MINDY2: variants seen among roughly 807,000 people sequenced by gnomAD.
MINDY2 encodes MINDY lysine 48 deubiquitinase 2.
In MINDY2, 52 loss-of-function variants were observed where a neutral mutation model predicts 68.2. The observed-to-expected ratio is 0.76, with a 90% CI of 0.61 to 0.96. The LOEUF (loss-of-function observed/expected upper bound fraction) is 0.96, where lower values mean the gene tolerates loss of function less well. Among genes scored for constraint, MINDY2 ranks in the 40% least tolerant of loss-of-function variants. The pLI, the probability that MINDY2 is intolerant of heterozygous loss-of-function variation, is 0.00. For synonymous variants in MINDY2, 372 were observed against 303.0 expected (o/e 1.23, Z -2.36); for missense variants, 881 against 773.4 (o/e 1.14, Z -1.65).
intron 2 of MINDY2, among the ~76,000 whole-genome samples, chr15:58,795,792 C>T (rs568648551): frequency 6.6e-6 from 1 of 151,946 alleles, no homozygotes; most frequent in African/African-American, 2.4e-5. Flanking sequence ...TTTGGCCACC[C>T]TCCCTCCTGC....
chr15:58,821,822 G>T lies in MINDY2; in HGVS notation c.1225+3G>T, dbSNP rs757746031. The T allele has an allele frequency of 1.9e-6, 3 of 1,566,736 alleles. No individual in the cohort carries two copies. The highest frequency in any genetic ancestry group is 4.7e-5 in the East Asian group (2 of 42,236). ...CAATAGTGAGCTGGTTAGTGAAGGTGGGTGAGTGCTGCTATTTCCTGACTT... is the reference window on the plus strand; with the variant it reads ...CAATAGTGAGCTGGTTAGTGAAGGTTGGTGAGTGCTGCTATTTCCTGACTT... On this transcript the variant is annotated splice_donor_region_variant and intron_variant, in intron 5 of 8. Coordinates refer to ENST00000559228, the MANE Select transcript of MINDY2 (RefSeq NM_001040450.3).
In MINDY2 at chr15:58,804,510, T is replaced by C. The variant is rs1285000378; in HGVS notation, c.963+2133T>C. ...CTTGATTGAAATGAGAAAATCTTAA[T>C]TTTCGTGTTTGCAAGCACCAGGCGT... On this transcript the variant is annotated intron_variant, in intron 3 of 8. Transcript: ENST00000559228. Among the ~76,000 whole-genome samples the C allele has an allele frequency of 4.6e-5, 7 of 151,934 alleles. No individual in the cohort carries two copies. The East Asian group carries it at 1.4e-3, about 30-fold the overall frequency.
At chr15:58,773,186 C>A (rs1900555911) in intron 1 of MINDY2, among the ~76,000 whole-genome samples, 1 of 152,026 alleles carries the variant, frequency 6.6e-6, no homozygotes, top group Non-Finnish European at 1.5e-5. Context: ...GTAATCCCAG[C>A]TACTCCGTAA....
intron 5 of MINDY2, among the ~76,000 whole-genome samples, chr15:58,831,512 A>G (rs149589736): frequency 2.6e-5 from 4 of 152,030 alleles, no homozygotes; most frequent in Non-Finnish European, 5.9e-5. Context: ...ATCCTTTGTA[A>G]TAGTAGGTGA....
chr15:58,823,533 C>T (rs771933344), intron 5 of MINDY2, among the ~76,000 whole-genome samples: 41 of 152,002 alleles, frequency 2.7e-4, no homozygotes, highest in South Asian at 1.5e-3. Context: ...AAAAATTAGC[C>T]AGGCACCTCT....
At chr15:58,847,682 A>G (rs1260221212) in intron 7 of MINDY2, among the ~76,000 whole-genome samples, 1 of 152,236 alleles carries the variant, frequency 6.6e-6, no homozygotes, top group Non-Finnish European at 1.5e-5. Flanking sequence ...TGTGAAGGTC[A>G]TGGTGAGAAG....
chr15:58,786,303 G>C (rs411007), intron 1 of MINDY2, among the ~76,000 whole-genome samples: 80,675 of 152,050 alleles, frequency 0.53, 23,674 homozygotes, highest in East Asian at 0.94. Context: ...AAAATAATTG[G>C]TGAAGAATTT....
At chr15:58,793,144 C>G (rs1393853775) in intron 2 of MINDY2, among the ~76,000 whole-genome samples, 1 of 152,134 alleles carries the variant, frequency 6.6e-6, no homozygotes, top group Non-Finnish European at 1.5e-5. Flanking sequence ...TTAGGGAAGA[C>G]CAAAATGTTC....
intron 2 of MINDY2, among the ~76,000 whole-genome samples, chr15:58,791,620 A>ATGTGTG (rs1491325995): frequency 0.11 from 8,693 of 80,492 alleles, 340 homozygotes; most frequent in Non-Finnish European, 0.15. Context: ...CTGTCTCAAA[A>ATGTGTG]TATGTGTGTG....
intron 8 of MINDY2, 122 bp from the exon 9 acceptor site, chr15:58,854,360 A>C (rs1595790507): frequency 9.5e-7 from 1 of 1,051,498 alleles, no homozygotes; most frequent in East Asian, 2.6e-5. Context: ...TCTGTATGCC[A>C]ATAGCTAGCT....
intron 8 of MINDY2, among the ~76,000 whole-genome samples, chr15:58,852,427 T>C (rs1371522072): frequency 3.9e-5 from 6 of 152,286 alleles, no homozygotes; most frequent in African/African-American, 1.2e-4. Flanking sequence ...AGCTTGTATC[T>C]CGTTTAGTAA....
chr15:58,780,770 T>C (rs1452138960), intron 1 of MINDY2, among the ~76,000 whole-genome samples: 1 of 152,150 alleles, frequency 6.6e-6, no homozygotes, highest in Non-Finnish European at 1.5e-5. Flanking sequence ...TCAGCTGGCC[T>C]TTCCCATTGT....
At chr15:58,845,232 C>G (rs1291044055) in intron 6 of MINDY2, among the ~76,000 whole-genome samples, 5 of 151,852 alleles carry the variant, frequency 3.3e-5, no homozygotes, top group African/African-American at 1.2e-4. Context: ...ATGGTAAAAC[C>G]CCATCTCTAC....
intron 6 of MINDY2, among the ~76,000 whole-genome samples, chr15:58,833,069 A>G (rs1161971479): frequency 6.6e-6 from 1 of 152,060 alleles, no homozygotes; most frequent in Non-Finnish European, 1.5e-5. Context: ...TTTATCTCTT[A>G]TAGCCATTCT....
chr15:58,787,892 A>G lies in MINDY2; in HGVS notation c.841-14A>G, dbSNP rs1191221054. 3.2e-6 allele frequency: 5 copies of G among 1,560,870 alleles called. No individual in the cohort carries two copies. The Admixed American group carries it at 9.2e-5, about 29-fold the overall frequency. Reference sequence around the variant, plus strand: ...AAACATTTAATTTTATAGAAATAATATTTTGTTTTTCAGGTGAAACTTCCA... The same window carrying G: ...AAACATTTAATTTTATAGAAATAATGTTTTGTTTTTCAGGTGAAACTTCCA... On this transcript the variant is annotated splice_polypyrimidine_tract_variant and intron_variant, in intron 1 of 8. Coordinates refer to ENST00000559228, the MANE Select transcript of MINDY2 (RefSeq NM_001040450.3).
rs1902669638 is a variant in MINDY2, at chr15:58,801,659, A to C, written c.899-654A>C. On this transcript the variant is annotated intron_variant, in intron 2 of 8. Coordinates refer to ENST00000559228, the MANE Select transcript of MINDY2 (RefSeq NM_001040450.3). ...ATGAAAAGAAAAGAAATTTTTTTTG[A>C]GGCAGAGTCTCACTTTGTTGCCCAG... 2.0e-5 allele frequency among the ~76,000 whole-genome samples: 3 copies of C among 152,174 alleles called. No homozygotes were observed. The South Asian group carries it at 6.2e-4, about 32-fold the overall frequency.
At chr15:58,791,779 G>T (rs1901960908) in intron 2 of MINDY2, among the ~76,000 whole-genome samples, 1 of 151,854 alleles carries the variant, frequency 6.6e-6, no homozygotes, top group Admixed American at 6.6e-5. Context: ...AGTCTAGCCT[G>T]TAAATATATA....
At chr15:58,827,314 C>T (rs2031457532) in intron 5 of MINDY2, among the ~76,000 whole-genome samples, 1 of 152,096 alleles carries the variant, frequency 6.6e-6, no homozygotes, top group Non-Finnish European at 1.5e-5. Context: ...TCCATTGGTT[C>T]TTGCCTGAAT....
At chr15:58,780,843 AC>A (rs1462989391) in intron 1 of MINDY2, among the ~76,000 whole-genome samples, 1 of 152,106 alleles carries the variant, frequency 6.6e-6, no homozygotes, top group Non-Finnish European at 1.5e-5. Context: ...TACTGCTACT[AC>A]CCTAGTTCAG....
Sources: gnomAD v4.1 joint callset for allele counts (sites outside exome capture counted in the v4.1 genomes callset) on GRCh38, gnomAD v4.1.1 for gene constraint, MANE v1.5 for transcripts, NCBI Gene and HGNC (gene_info 2026-07-23, HGNC 2026-07-21) for gene names.